Variants in COL25A1 observed in about 807,000 individuals in gnomAD.
The protein encoded by COL25A1 is collagen type XXV alpha 1 chain, also known as collagen alpha-1(XXV) chain.
Under a neutral mutation model 128.4 loss-of-function variants are expected in COL25A1, and 103 were observed. The ratio of observed to expected loss-of-function variants is 0.80; its 90% CI spans 0.68 to 0.94. The LOEUF (loss-of-function observed/expected upper bound fraction) is 0.94, where lower values mean the gene tolerates loss of function less well. Ranked by LOEUF, COL25A1 falls within the 40% of genes least tolerant of loss-of-function variation. COL25A1 has a pLI of 0.00. For missense variants in COL25A1, 745 were observed against 840.0 expected, an observed-to-expected ratio of 0.89 and a Z score of 1.40; for synonymous variants, 279 against 277.2, an observed-to-expected ratio of 1.01 and a Z score of -0.06.
At chr4:109,214,853 G>T (rs545529391) in intron 3 of COL25A1, among the ~76,000 whole-genome samples, 3 of 152,090 alleles carry the variant, frequency 2.0e-5, no homozygotes, top group Non-Finnish European at 2.9e-5. Context: ...TCTCACCATG[G>T]CTGGCATAGC....
At chr4:108,873,680 T>C (rs532149744) in intron 19 of COL25A1, among the ~76,000 whole-genome samples, 10 of 152,232 alleles carry the variant, frequency 6.6e-5, no homozygotes, top group African/African-American at 2.4e-4. Context: ...TTATACTCAA[T>C]ACTACTTCAA....
intron 31 of COL25A1, among the ~76,000 whole-genome samples, chr4:108,833,967 A>G (rs1024353018): frequency 1.3e-5 from 2 of 152,336 alleles, no homozygotes; most frequent in African/African-American, 4.8e-5. Flanking sequence ...AGTTACAATA[A>G]TTTCACATTA....
chr4:109,136,550 C>G (rs1341394652), intron 3 of COL25A1, among the ~76,000 whole-genome samples: 1 of 152,186 alleles, frequency 6.6e-6, no homozygotes, highest in South Asian at 2.1e-4. Flanking sequence ...GTAGTACACA[C>G]GTGAGTTAGT....
chr4:108,823,860 T>C, intron 35 of COL25A1: 10 of 1,318,940 alleles, frequency 7.6e-6, no homozygotes, highest in Non-Finnish European at 9.7e-6. Flanking sequence ...TCATTTAATT[T>C]TACTTTTTAA....
At chr4:109,086,520 C>A (rs960598094) in intron 3 of COL25A1, among the ~76,000 whole-genome samples, 15 of 152,218 alleles carry the variant, frequency 9.9e-5, no homozygotes, top group Non-Finnish European at 2.1e-4. Flanking sequence ...TCTTTATAGT[C>A]GGATTTGAAC....
chr4:109,205,046 G>T (rs1776867886), intron 3 of COL25A1, among the ~76,000 whole-genome samples: 1 of 152,146 alleles, frequency 6.6e-6, no homozygotes, highest in African/African-American at 2.4e-5. Context: ...GGCAAAAAGT[G>T]TTGAACTTAT....
intron 3 of COL25A1, among the ~76,000 whole-genome samples, chr4:109,148,213 A>G (rs1205136336): frequency 6.6e-6 from 1 of 152,206 alleles, no homozygotes; most frequent in Admixed American, 6.5e-5. Flanking sequence ...TAGCATCTAG[A>G]ACTTTGGCAA....
chr4:109,174,023 T>C (rs1317771542), intron 3 of COL25A1, among the ~76,000 whole-genome samples: 2 of 152,158 alleles, frequency 1.3e-5, no homozygotes, highest in African/African-American at 2.4e-5. Context: ...AATCTATATG[T>C]CTATATTTTT....
chr4:108,822,424 G>T (rs1010490640), intron 35 of COL25A1, among the ~76,000 whole-genome samples: 21 of 151,998 alleles, frequency 1.4e-4, no homozygotes, highest in Non-Finnish European at 2.9e-4. Flanking sequence ...ATATGTTTTT[G>T]AGTTTTTTTA....
chr4:108,834,956 G>C (rs557755614), intron 31 of COL25A1, among the ~76,000 whole-genome samples: 1 of 152,190 alleles, frequency 6.6e-6, no homozygotes, highest in African/African-American at 2.4e-5. Flanking sequence ...ATTGTTTTCT[G>C]GGTTGTTCCT....
intron 6 of COL25A1, among the ~76,000 whole-genome samples, chr4:108,995,637 G>A (rs925603382): frequency 2.0e-5 from 3 of 152,064 alleles, no homozygotes; most frequent in Non-Finnish European, 4.4e-5. Flanking sequence ...GAAACTCCTC[G>A]AGAAGAGCAA....
intron 3 of COL25A1, among the ~76,000 whole-genome samples, chr4:109,272,192 C>T (rs35473845): frequency 0.047 from 7,135 of 152,164 alleles, 374 homozygotes; most frequent in East Asian, 0.23. Flanking sequence ...GCCATGATCA[C>T]CACAGCACTC....
chr4:108,974,284 G>T (rs543585884), intron 8 of COL25A1, 83 bp downstream of exon 8: 11 of 1,439,906 alleles, frequency 7.6e-6, no homozygotes, highest in Non-Finnish European at 1.1e-5. Flanking sequence ...CACAAAGGCA[G>T]TTATGAAGCT....
intron 3 of COL25A1, among the ~76,000 whole-genome samples, chr4:109,143,034 C>T (rs1020506485): frequency 2.2e-4 from 34 of 152,192 alleles, no homozygotes; most frequent in African/African-American, 8.2e-4. Context: ...CATGTTTTTG[C>T]AGTGGCTGGT....
At chr4:108,882,964 A>G (rs1740300259) in intron 19 of COL25A1, among the ~76,000 whole-genome samples, 1 of 152,098 alleles carries the variant, frequency 6.6e-6, no homozygotes, top group Admixed American at 6.6e-5. Flanking sequence ...ATATTATTTC[A>G]CATAACTCAC....
rs1034328404 is a variant in COL25A1, at chr4:109,264,163, G to C, written c.367+36420C>G. On this transcript the variant is annotated intron_variant, in intron 3 of 37. Coordinates refer to ENST00000399132, the MANE Select transcript of COL25A1 (RefSeq NM_198721.4). ...TAAGCTTAGAATTAAAGGCTGAAGA[G>C]GGTGAAGGCTCTCCAATAACATCTT... 1.1e-4 allele frequency among the ~76,000 whole-genome samples: 17 copies of C among 152,328 alleles called. No homozygotes were observed. The East Asian group carries it at 3.3e-3, about 29-fold the overall frequency.
intron 3 of COL25A1, among the ~76,000 whole-genome samples, chr4:109,059,434 A>C (rs1018733930): frequency 6.6e-6 from 1 of 152,236 alleles, no homozygotes; most frequent in African/African-American, 2.4e-5. Flanking sequence ...AACTGCCTGA[A>C]GGAAAATAGG....
At chr4:109,083,613 C>A (rs1764077856) in intron 3 of COL25A1, among the ~76,000 whole-genome samples, 1 of 151,890 alleles carries the variant, frequency 6.6e-6, no homozygotes, top group Non-Finnish European at 1.5e-5. Flanking sequence ...CAGGCACCCG[C>A]TACCACGCCC....
At chr4:109,118,243 C>A (rs1341026403) in intron 3 of COL25A1, among the ~76,000 whole-genome samples, 1 of 151,766 alleles carries the variant, frequency 6.6e-6, no homozygotes, top group Non-Finnish European at 1.5e-5. Flanking sequence ...TCAAAGGGTA[C>A]AATGTTTCAG....
Sources: gnomAD v4.1 joint callset for allele counts (sites outside exome capture counted in the v4.1 genomes callset) on GRCh38, gnomAD v4.1.1 for gene constraint, MANE v1.5 for transcripts, NCBI Gene and HGNC (gene_info 2026-07-23, HGNC 2026-07-21) for gene names.